Variants in TSGA10 observed in about 807,000 individuals in gnomAD.
TSGA10 encodes the protein testis specific 10.
TSGA10 carries 43 observed loss-of-function variants against 96.6 expected under a neutral mutation model. The ratio of observed to expected loss-of-function variants is 0.44; its 90% CI spans 0.35 to 0.57. The LOEUF (loss-of-function observed/expected upper bound fraction) is 0.57, where lower values mean the gene tolerates loss of function less well. Ranked by LOEUF, TSGA10 falls within the 20% of genes least tolerant of loss-of-function variation. The probability of loss-of-function intolerance (pLI) is 0.01; values close to 1 mark genes in which losing one functional copy is unlikely to be tolerated. For missense variants in TSGA10, 703 were observed against 834.4 expected (o/e 0.84, Z 1.94); for synonymous variants, 229 against 269.9 (o/e 0.85, Z 1.48).
At position 99,118,650 on chromosome 2, in the gene TSGA10, G is replaced by A; in HGVS notation, c.-455C>T. 2 of 984,312 alleles carry A rather than the reference G, an allele frequency of 2.0e-6. No individual in the cohort carries two copies. The highest frequency in any genetic ancestry group is 4.7e-5 in the South Asian group (1 of 21,246). 61.0% of individuals were successfully genotyped at this position (984,312 alleles called of 1,614,324 possible). A position where few individuals can be genotyped will look rare whatever the true frequency, so the allele number is the denominator to read the frequency against. ...CACTATCAAACCATCAATGGATGAA[G>A]AAAAGGGCCTTTTCTATCACAAAGG... On this transcript the variant is annotated 5_prime_UTR_variant, in exon 3 of 21. Transcript: ENST00000393483.
At chr2:99,113,371 G>A (rs1269533636) in intron 4 of TSGA10, among the ~76,000 whole-genome samples, 5 of 152,160 alleles carry the variant, frequency 3.3e-5, no homozygotes, top group African/African-American at 1.2e-4. Flanking sequence ...TTGGCTGGGG[G>A]AGAGGGGAAG....
At chr2:99,028,099 A>G (rs1356501777) in intron 17 of TSGA10, among the ~76,000 whole-genome samples, 1 of 152,110 alleles carries the variant, frequency 6.6e-6, no homozygotes, top group Non-Finnish European at 1.5e-5. Context: ...GCTAGGATGC[A>G]ATGGATTTAG....
Position 99,105,349 on chromosome 2 carries a change from T to C in TSGA10, c.459+10A>G. On this transcript the variant is annotated intron_variant, in intron 9 of 20. Transcript: ENST00000393483. ...AGCCAAAAGAGACTTTTCTTTTTTTTTTTTTTTACATTATGAACTGTACAC... is the reference window on the plus strand; with the variant it reads ...AGCCAAAAGAGACTTTTCTTTTTTTCTTTTTTTACATTATGAACTGTACAC... 6.3e-7 allele frequency: 1 copy of C among 1,582,142 alleles called. No individual in the cohort carries two copies. Among genetic ancestry groups the C allele is most frequent in the Admixed American group, 1.9e-5 (1 of 52,768 alleles).
At chr2:99,071,676 TGGAGAAAA>T in intron 14 of TSGA10, 22 bp downstream of exon 14, 1 of 1,583,242 alleles carries the variant, frequency 6.3e-7, no homozygotes, top group South Asian at 1.2e-5. Flanking sequence ...TTTTTTTTCT[TGGAGAAAA>T]TGATTCTAGG....
chr2:99,124,583 TTATATA>T (rs552085018), intron 2 of TSGA10, among the ~76,000 whole-genome samples: 2 of 151,760 alleles, frequency 1.3e-5, no homozygotes, highest in African/African-American at 4.8e-5. Context: ...TACTGTTACA[TTATATA>T]TATATATTTT....
intron 15 of TSGA10, among the ~76,000 whole-genome samples, chr2:99,066,836 TG>T (rs2085316479): frequency 6.6e-6 from 1 of 152,148 alleles, no homozygotes; most frequent in Non-Finnish European, 1.5e-5. Flanking sequence ...CAGCTCCCTC[TG>T]GCCACCCACA....
At chr2:99,119,232 T>C (rs980520510) in intron 2 of TSGA10, among the ~76,000 whole-genome samples, 1 of 152,218 alleles carries the variant, frequency 6.6e-6, no homozygotes, top group Non-Finnish European at 1.5e-5. Context: ...ATGCCATTTA[T>C]TGTACCCAGT....
chr2:99,071,376 A>T (rs943390337), intron 14 of TSGA10, among the ~76,000 whole-genome samples: 1 of 128,568 alleles, frequency 7.8e-6, no homozygotes, highest in Admixed American at 7.7e-5. Flanking sequence ...TATGTAGTCC[A>T]TTTTTTTAAA....
In TSGA10 at chr2:99,078,833, AGTG is replaced by A; in HGVS notation, c.728-23_728-21del. 1 of 1,579,582 alleles carries A rather than the reference AGTG, an allele frequency of 6.3e-7. No homozygotes were observed. The highest frequency in any genetic ancestry group is 8.6e-7 in the Non-Finnish European group (1 of 1,167,152). On this transcript the variant is annotated intron_variant, in intron 11 of 20. Transcript: ENST00000393483. ...AGTTATCTATGTATGCAATCATAAA[AGTG>A]TTGTTTTAATCAAAATAAAATCTTT...
chr2:99,149,482 G>A (rs1373544357), intron 1 of TSGA10, among the ~76,000 whole-genome samples: 3 of 136,116 alleles, frequency 2.2e-5, no homozygotes, highest in South Asian at 2.3e-4. Flanking sequence ...TCGCTCTGTC[G>A]CCCAGGCTGG....
chr2:99,102,137 G>C lies in TSGA10; in HGVS notation c.611+1830C>G, dbSNP rs556004630. 9 of 1,470,432 alleles carry C rather than the reference G, an allele frequency of 6.1e-6. No individual in the cohort carries two copies. The Admixed American group carries it at 1.2e-4, about 19-fold the overall frequency. 91.1% of individuals were successfully genotyped at this position (1,470,432 alleles called of 1,614,324 possible). Reference sequence around the variant, plus strand: ...AAGAGTTAGATAGGGGTTACAAATCGATCATGGAGCTGATGAATATACTTG... The same window carrying C: ...AAGAGTTAGATAGGGGTTACAAATCCATCATGGAGCTGATGAATATACTTG... On this transcript the variant is annotated intron_variant, in intron 10 of 20. Coordinates refer to ENST00000393483, the MANE Select transcript of TSGA10 (RefSeq NM_025244.4).
chr2:99,106,345 C>A (rs1019990223), intron 7 of TSGA10, among the ~76,000 whole-genome samples: 2 of 152,190 alleles, frequency 1.3e-5, no homozygotes, highest in Non-Finnish European at 2.9e-5. Context: ...TAAGCCTTCA[C>A]CAGAACCCCA....
At chr2:99,125,773 G>A (rs1438930901) in intron 2 of TSGA10, 1 of 152,232 alleles carries the variant, frequency 6.6e-6, no homozygotes, top group Non-Finnish European at 1.5e-5. Flanking sequence ...CCTAGATACT[G>A]CTAGGCAAGA....
intron 1 of TSGA10, chr2:99,141,214 C>T (rs2093536403): frequency 1.8e-6 from 2 of 1,121,682 alleles, no homozygotes; most frequent in Non-Finnish European, 2.3e-6. Flanking sequence ...CCCCTTTCTC[C>T]TCCCTTCCCA....
chr2:99,134,121 A>G (rs2093226015), intron 1 of TSGA10, among the ~76,000 whole-genome samples: 1 of 152,078 alleles, frequency 6.6e-6, no homozygotes, highest in African/African-American at 2.4e-5. Flanking sequence ...CTGAATTGGA[A>G]TGTTGGCCTG....
chr2:99,005,396 T>C (rs1045750037), intron 20 of TSGA10, among the ~76,000 whole-genome samples: 12 of 152,174 alleles, frequency 7.9e-5, no homozygotes, highest in South Asian at 2.1e-4. Flanking sequence ...GAAAACCCCA[T>C]TGTCTCAGCC....
chr2:99,083,200 C>T (rs1442743228), intron 10 of TSGA10, among the ~76,000 whole-genome samples: 1 of 152,032 alleles, frequency 6.6e-6, no homozygotes, highest in African/African-American at 2.4e-5. Flanking sequence ...GAGGTATTAA[C>T]CTGTATCTAT....
chr2:99,053,126 A>G (rs2083581769), intron 16 of TSGA10, among the ~76,000 whole-genome samples: 1 of 151,996 alleles, frequency 6.6e-6, no homozygotes. Flanking sequence ...TCTTACATCA[A>G]AAAAAAGCTC....
chr2:99,119,573 T>C (rs2092465099), intron 2 of TSGA10, among the ~76,000 whole-genome samples: 1 of 152,206 alleles, frequency 6.6e-6, no homozygotes, highest in African/African-American at 2.4e-5. Flanking sequence ...GAACCCTCCT[T>C]ATGAGAATCC....
Sources: gnomAD v4.1 joint callset for allele counts (sites outside exome capture counted in the v4.1 genomes callset) on GRCh38, gnomAD v4.1.1 for gene constraint, MANE v1.5 for transcripts, NCBI Gene and HGNC (gene_info 2026-07-23, HGNC 2026-07-21) for gene names.